Variants in PCDHA1 observed in about 807,000 individuals in gnomAD.
PCDHA1 encodes the protein protocadherin alpha 1.
A neutral mutation model predicts 61.3 loss-of-function variants in PCDHA1; 42 were observed. The ratio of observed to expected loss-of-function variants is 0.69; its 90% CI spans 0.54 to 0.89. PCDHA1 has a LOEUF of 0.89. Ranked by LOEUF, PCDHA1 falls within the 40% of genes least tolerant of loss-of-function variation. The pLI, the probability that PCDHA1 is intolerant of heterozygous loss-of-function variation, is 0.00. For missense variants in PCDHA1, 1,256 were observed against 1,235.3 expected, an observed-to-expected ratio of 1.02 and a Z score of -0.25; for synonymous variants, 610 against 553.8, an observed-to-expected ratio of 1.10 and a Z score of -1.43.
In PCDHA1 at chr5:140,870,537, G is replaced by A. The variant is rs575452776; in HGVS notation, c.2394+81853G>A. On this transcript the variant is annotated intron_variant, in intron 1 of 3. Transcript: ENST00000504120. ...GCTGCCACATCTTCACAGTGTCGGC[G>A]CGGGACGCGGACGCGCAGGAGAACG... 9.3e-6 allele frequency: 15 copies of A among 1,614,172 alleles called. No homozygotes were observed. In the African/African-American group the frequency reaches 1.7e-4, roughly 19 times the overall value.
chr5:140,855,858 G>C (rs1203638572), intron 1 of PCDHA1: 4 of 715,822 alleles, frequency 5.6e-6, no homozygotes, highest in Non-Finnish European at 9.0e-6. Context: ...ACCGGATGTC[G>C]CTGTCGTCCA....
chr5:140,952,334 A>G (rs1585456390), intron 1 of PCDHA1, among the ~76,000 whole-genome samples: 1 of 103,312 alleles, frequency 9.7e-6, no homozygotes, highest in East Asian at 2.9e-4. Context: ...GTGAAACTCC[A>G]TCTCAAAAAA....
At chr5:140,974,379 T>G (rs2096625482) in intron 1 of PCDHA1, among the ~76,000 whole-genome samples, 1 of 152,250 alleles carries the variant, frequency 6.6e-6, no homozygotes, top group South Asian at 2.1e-4. Flanking sequence ...TCTGTTGTAC[T>G]GGAACCCATT....
At position 140,849,459 on chromosome 5, in the gene PCDHA1, G is replaced by A. The variant is rs2150438078; in HGVS notation, c.2394+60775G>A. On this transcript the variant is annotated intron_variant, in intron 1 of 3. Transcript: ENST00000504120. ...TAGAGCACACAAGATCCCAGTCGAG[G>A]CTGTCGATAAAGGCTTCCCACCCCT... 169 of 1,587,860 alleles carry A rather than the reference G, an allele frequency of 1.1e-4. 13 individuals carry two copies. The highest frequency in any genetic ancestry group is 1.4e-4 in the Non-Finnish European group (163 of 1,161,590).
At chr5:140,886,651 C>T (rs1427441330) in intron 1 of PCDHA1, among the ~76,000 whole-genome samples, 4 of 151,902 alleles carry the variant, frequency 2.6e-5, no homozygotes, top group Non-Finnish European at 4.4e-5. Context: ...CATGGTGAAA[C>T]CCTGTCTCTA....
chr5:140,884,824 T>A, intron 1 of PCDHA1: 1 of 993,590 alleles, frequency 1.0e-6, no homozygotes, highest in Non-Finnish European at 1.4e-6. Context: ...ACATTATGTG[T>A]TGGATTATCC....
intron 1 of PCDHA1, among the ~76,000 whole-genome samples, chr5:140,898,151 CT>C (rs2066567806): frequency 6.6e-6 from 1 of 152,158 alleles, no homozygotes; most frequent in Admixed American, 6.5e-5. Context: ...CCTGTTCACG[CT>C]GATGGTGGTT....
chr5:140,980,110 A>G (rs2096876892), intron 2 of PCDHA1, among the ~76,000 whole-genome samples: 1 of 152,208 alleles, frequency 6.6e-6, no homozygotes, highest in Admixed American at 6.5e-5. Context: ...GTCACATTGG[A>G]ACCTGGGTCA....
At chr5:140,954,526 G>A (rs2095049912) in intron 1 of PCDHA1, among the ~76,000 whole-genome samples, 1 of 152,184 alleles carries the variant, frequency 6.6e-6, no homozygotes, top group Admixed American at 6.5e-5. Flanking sequence ...GATCAGTGAT[G>A]TTGAGGTTTT....
At chr5:140,881,335 C>A in intron 1 of PCDHA1, 1 of 984,916 alleles carries the variant, frequency 1.0e-6, no homozygotes, top group Non-Finnish European at 1.2e-6. Context: ...ACCAGGACGC[C>A]GATTCGGGCT....
chr5:140,796,548 G>A lies in PCDHA1; in HGVS notation c.2394+7864G>A, dbSNP rs782228939. 2.7e-5 allele frequency: 43 copies of A among 1,613,002 alleles called. No individual in the cohort carries two copies. The Admixed American group carries it at 3.7e-4, about 14-fold the overall frequency. On this transcript the variant is annotated intron_variant, in intron 1 of 3. Coordinates refer to ENST00000504120, the MANE Select transcript of PCDHA1 (RefSeq NM_018900.4). Reference sequence around the variant, plus strand: ...TGCAGCCGCTGGACCACGAGGAAGTGGAGCTGCTGCAGTTCCAGGTGAGCG... The same window carrying A: ...TGCAGCCGCTGGACCACGAGGAAGTAGAGCTGCTGCAGTTCCAGGTGAGCG...
At chr5:140,862,290 A>G (rs1423685229) in intron 1 of PCDHA1, 3 of 265,086 alleles carry the variant, frequency 1.1e-5, no homozygotes, top group Admixed American at 4.8e-5. Flanking sequence ...GTACAGGAGG[A>G]CGCTCCACTG....
chr5:140,786,949 C>T lies in PCDHA1; in HGVS notation c.659C>T (p.Pro220Leu), dbSNP rs149577981. 2 of 1,613,996 alleles carry T rather than the reference C, an allele frequency of 1.2e-6. No homozygotes were observed. The highest frequency in any genetic ancestry group is 1.3e-5 in the African/African-American group (1 of 74,910). The change falls in exon 1 of 4, where the codon CCG (proline) becomes CTG (leucine). Residue 220 changes from proline to leucine, a missense_variant. Physicochemically the swap from Pro to Leu is moderately conservative, Grantham distance 98 (BLOSUM62 -3). Coordinates refer to ENST00000504120, the MANE Select transcript of PCDHA1 (RefSeq NM_018900.4). ...CTGACTGCCACTGATGGGGGCAAAC[C>T]GGAGCTGCAAGGTACAGTTGAGCTG... ...LLLTATDGGK[P>L]ELQGTVELLI...
rs2150203644 is a variant in PCDHA1, at chr5:140,832,732, A to G, written c.2394+44048A>G. Among the ~76,000 whole-genome samples the G allele has an allele frequency of 1.6e-4, 25 of 152,362 alleles. No individual in the cohort carries two copies. In the East Asian group the frequency reaches 4.4e-3, roughly 27 times the overall value. On this transcript the variant is annotated intron_variant, in intron 1 of 3. Coordinates refer to ENST00000504120, the MANE Select transcript of PCDHA1 (RefSeq NM_018900.4). ...ATAGATAAATAAAGGTAAGTATCCT[A>G]CATAAATACGATGATAGTAAAAGCA...
chr5:140,991,310 C>T (rs1450251256), intron 3 of PCDHA1, among the ~76,000 whole-genome samples: 2 of 152,140 alleles, frequency 1.3e-5, no homozygotes, highest in Admixed American at 6.5e-5. Flanking sequence ...TATCTTGTCC[C>T]GCATGATACA....
At chr5:140,881,388 G>A (rs2058697659) in intron 1 of PCDHA1, 1 of 983,292 alleles carries the variant, frequency 1.0e-6, no homozygotes, top group Non-Finnish European at 1.2e-6. Context: ...GCGGCGGTAA[G>A]TTAAATTCTA....
Position 140,808,861 on chromosome 5 carries a change from A to C in PCDHA1, c.2394+20177A>C, listed in dbSNP as rs782428956. 1.9e-6 allele frequency: 3 copies of C among 1,613,152 alleles called. No homozygotes were observed. The Admixed American group carries it at 5.0e-5, about 27-fold the overall frequency. On this transcript the variant is annotated intron_variant, in intron 1 of 3. Transcript: ENST00000504120. ...CGCTGCAGGTGTTCGTGCTGGACGA[A>C]AACGACAACGCGCCAGCACTGCTAG...
intron 1 of PCDHA1, chr5:140,875,985 G>A (rs1351463699): frequency 4.3e-6 from 7 of 1,613,830 alleles, no homozygotes; most frequent in South Asian, 1.1e-5. Flanking sequence ...TGACCTATGC[G>A]TTAAGTCTAA....
chr5:140,875,410 ATACC>A (rs1259407256), intron 1 of PCDHA1: 2 of 1,502,000 alleles, frequency 1.3e-6, no homozygotes, highest in Non-Finnish European at 1.8e-6. Context: ...TGCTCATAAA[ATACC>A]TCAGGCAAGC....
Sources: gnomAD v4.1 joint callset for allele counts (sites outside exome capture counted in the v4.1 genomes callset) on GRCh38, gnomAD v4.1.1 for gene constraint, MANE v1.5 for transcripts, NCBI Gene and HGNC (gene_info 2026-07-23, HGNC 2026-07-21) for gene names.